The following SPN variants were observed in gnomAD, a reference collection of about 807,000 sequenced individuals.
SPN encodes sialophorin.
SPN carries 6 observed loss-of-function variants against 8.4 expected under a neutral mutation model. That is an observed-to-expected ratio of 0.72 (90% CI 0.39 to 1.42). The LOEUF (loss-of-function observed/expected upper bound fraction) is 1.42, where lower values mean the gene tolerates loss of function less well. Among genes scored for constraint, SPN ranks in the 40% most tolerant of loss-of-function variants. SPN has a pLI of 0.02. For missense variants in SPN, 517 were observed against 530.6 expected, an observed-to-expected ratio of 0.97 and a Z score of 0.25; for synonymous variants, 201 against 222.6, an observed-to-expected ratio of 0.90 and a Z score of 0.86.
chr16:29,666,552 A>ACAAACGCGCG lies in SPN; in HGVS notation c.*1622_*1623insAAACGCGCGC. 7.0e-6 allele frequency: 1 copy of ACAAACGCGCG among 143,416 alleles called. No individual in the cohort carries two copies. Among genetic ancestry groups the ACAAACGCGCG allele is most frequent in the South Asian group, 2.5e-4 (1 of 3,970 alleles). 8.9% of individuals were successfully genotyped at this position (143,416 alleles called of 1,614,324 possible). ...CACACACACACACACACACACACAC[A>ACAAACGCGCG]CGCGCGCGCGCGCGCGCTCTCCTGC... On this transcript the variant is annotated 3_prime_UTR_variant, in exon 2 of 2. Transcript: ENST00000652691.
In SPN at chr16:29,663,479, C is replaced by A. The variant is rs532278935; in HGVS notation, c.-35+163C>A. 6.6e-6 allele frequency among the ~76,000 whole-genome samples: 1 copy of A among 152,302 alleles called. No individual in the cohort carries two copies. The highest frequency in any genetic ancestry group is 2.1e-4 in the South Asian group (1 of 4,826). ...GGGCTGGTCACTGCTGGAATCTAAG[C>A]TGCTGAGGCTGGAGGGAGCCTCAGG... On this transcript the variant is annotated intron_variant, in intron 1 of 1. Transcript: ENST00000652691. This position sits in a 1 kb window ranked among gnomAD's most constrained non-coding sequence, Gnocchi z 4.3.
In SPN at chr16:29,666,556, G is replaced by GCGCGCGCGCGCGCC. The variant is rs1966818381; in HGVS notation, c.*1638_*1639insCCGCGCGCGCGCGC. On this transcript the variant is annotated 3_prime_UTR_variant, in exon 2 of 2. Coordinates refer to ENST00000652691, the MANE Select transcript of SPN (RefSeq NM_003123.6). ...CACACACACACACACACACACACGC[G>GCGCGCGCGCGCGCC]CGCGCGCGCGCGCTCTCCTGCGAAC... is the stretch of plus-strand genomic sequence containing the variant. 5.6e-6 allele frequency: 1 copy of GCGCGCGCGCGCGCC among 178,002 alleles called. No individual in the cohort carries two copies. The highest frequency in any genetic ancestry group is 3.5e-5 in the African/African-American group (1 of 28,384). The allele number at this position is 178,002 out of a possible 1,614,324, so 11.0% of individuals were successfully genotyped here.
chr16:29,666,846 A>G lies in SPN; in HGVS notation c.*1915A>G, dbSNP rs992617406. 4.3e-6 allele frequency: 2 copies of G among 468,080 alleles called. No homozygotes were observed. The highest frequency in any genetic ancestry group is 8.9e-6 in the Non-Finnish European group (2 of 225,094). The allele number at this position is 468,080 out of a possible 1,614,324, so 29.0% of individuals were successfully genotyped here. Reference sequence around the variant, plus strand: ...CCCAGGCTACAGCCCAGGAGCACACATGGGCCAGGGCAGTTGGTATTTCCC... The same window carrying G: ...CCCAGGCTACAGCCCAGGAGCACACGTGGGCCAGGGCAGTTGGTATTTCCC... On this transcript the variant is annotated 3_prime_UTR_variant, in exon 2 of 2. Transcript: ENST00000652691.
At position 29,664,916 on chromosome 16, in the gene SPN, C is replaced by T. The variant is rs749483155; in HGVS notation, c.1188C>T (p.Asp396=). 3.5e-6 allele frequency: 5 copies of T among 1,414,094 alleles called. No individual in the cohort carries two copies. The highest frequency in any genetic ancestry group is 2.6e-5 in the East Asian group (1 of 39,204). The allele number at this position is 1,414,094 out of a possible 1,614,324, so 87.6% of individuals were successfully genotyped here. A position where few individuals can be genotyped will look rare whatever the true frequency, so the allele number is the denominator to read the frequency against. The change falls in exon 2 of 2, where the codon GAC becomes GAT. Residue 396 remains aspartate (D), a synonymous_variant. Transcript: ENST00000652691. The surrounding 1 kb of genome is among the most constrained non-coding windows in gnomAD (Gnocchi z 6.4). The part of the protein sequence containing the change: ...APAPDEPEGG[D]GAAP ...CTCCTGATGAGCCCGAAGGGGGAGACGGGGCTGCCCCTTAAGTGTCGGTGA... is the reference window on the plus strand; with the variant it reads ...CTCCTGATGAGCCCGAAGGGGGAGATGGGGCTGCCCCTTAAGTGTCGGTGA...
In SPN at chr16:29,664,927, C is replaced by G. The variant is rs771842135; in HGVS notation, c.1199C>G (p.Pro400Arg). Residue 400 changes from proline (P) to arginine (R), a missense_variant, in exon 2 of 2, where the codon CCT becomes CGT. By Grantham distance (103) the Pro-to-Arg change is moderately radical. Coordinates refer to ENST00000652691, the MANE Select transcript of SPN (RefSeq NM_003123.6). The surrounding 1 kb of genome is among the most constrained non-coding windows in gnomAD (Gnocchi z 6.4). ...CCCGAAGGGGGAGACGGGGCTGCCCCTTAAGTGTCGGTGAATAGTGAGGCT... is the reference window on the plus strand; with the variant it reads ...CCCGAAGGGGGAGACGGGGCTGCCCGTTAAGTGTCGGTGAATAGTGAGGCT... ...DEPEGGDGAA[P>R] 7.1e-7 allele frequency: 1 copy of G among 1,398,670 alleles called. No individual in the cohort carries two copies. Among genetic ancestry groups the G allele is most frequent in the East Asian group, 2.6e-5 (1 of 38,664 alleles). 86.6% of individuals were successfully genotyped at this position (1,398,670 alleles called of 1,614,324 possible). A position where few individuals can be genotyped will look rare whatever the true frequency, so the allele number is the denominator to read the frequency against.
At position 29,666,733 on chromosome 16, in the gene SPN, G is replaced by C. The variant is rs1305496100; in HGVS notation, c.*1802G>C. 2.6e-6 allele frequency: 1 copy of C among 378,080 alleles called. No individual in the cohort carries two copies. The highest frequency in any genetic ancestry group is 2.1e-5 in the African/African-American group (1 of 47,044). The allele number at this position is 378,080 out of a possible 1,614,324, so 23.4% of individuals were successfully genotyped here. A position where few individuals can be genotyped will look rare whatever the true frequency, so the allele number is the denominator to read the frequency against. Reference sequence around the variant, plus strand: ...TCCTCCAAGAGGAACCAGTGAGAGTGAGTGAAGGAGGGGCCTGGAGCCAGG... The same window carrying C: ...TCCTCCAAGAGGAACCAGTGAGAGTCAGTGAAGGAGGGGCCTGGAGCCAGG... On this transcript the variant is annotated 3_prime_UTR_variant, in exon 2 of 2. Coordinates refer to ENST00000652691, the MANE Select transcript of SPN (RefSeq NM_003123.6).
Position 29,665,072 on chromosome 16 carries a change from T to C in SPN, c.*141T>C. On this transcript the variant is annotated 3_prime_UTR_variant, in exon 2 of 2. Transcript: ENST00000652691. ...CCCGAATCTCCTTTTTTTTTTTCTT[T>C]TGAGACAGAGTTTCGCTTTGTCGCC... The C allele has an allele frequency of 9.6e-7, 1 of 1,036,820 alleles. No individual in the cohort carries two copies. Among genetic ancestry groups the C allele is most frequent in the Non-Finnish European group, 1.3e-6 (1 of 795,944 alleles). The allele number at this position is 1,036,820 out of a possible 1,614,324, so 64.2% of individuals were successfully genotyped here.
At position 29,667,313 on chromosome 16, in the gene SPN, T is replaced by C; in HGVS notation, c.*2382T>C. 2 of 260,942 alleles carry C rather than the reference T, an allele frequency of 7.7e-6. No homozygotes were observed. Among genetic ancestry groups the C allele is most frequent in the South Asian group, 4.6e-5 (1 of 21,866 alleles). 16.2% of individuals were successfully genotyped at this position (260,942 alleles called of 1,614,324 possible). On this transcript the variant is annotated 3_prime_UTR_variant, in exon 2 of 2. Transcript: ENST00000652691. Reference sequence around the variant, plus strand: ...AGAAAATACTGTCACCGAACGAACGTCGCTGTCCTCAGCTCCACCTCCCTT... The same window carrying C: ...AGAAAATACTGTCACCGAACGAACGCCGCTGTCCTCAGCTCCACCTCCCTT...
At position 29,669,210 on chromosome 16, in the gene SPN, T is replaced by C. The variant is rs1177759248; in HGVS notation, c.*4279T>C. 1.2e-5 allele frequency: 2 copies of C among 166,970 alleles called. No homozygotes were observed. Among genetic ancestry groups the C allele is most frequent in the East Asian group, 3.9e-4 (2 of 5,170 alleles). 10.3% of individuals were successfully genotyped at this position (166,970 alleles called of 1,614,324 possible). On this transcript the variant is annotated 3_prime_UTR_variant, in exon 2 of 2. Transcript: ENST00000652691. ...CAAACGTGAAATAGATGTCTTTTTT[T>C]TTTTTTTGAGATGGAGTTTTCACTC...
In SPN at chr16:29,670,021, T is replaced by G. The variant is rs1027671750; in HGVS notation, c.*5090T>G. 1.7e-4 allele frequency: 28 copies of G among 166,708 alleles called. No homozygotes were observed. The Admixed American group carries it at 1.8e-3, about 11-fold the overall frequency. 10.3% of individuals were successfully genotyped at this position (166,708 alleles called of 1,614,324 possible). A position where few individuals can be genotyped will look rare whatever the true frequency, so the allele number is the denominator to read the frequency against. ...AGCCTGGGCAACATAGACCCCTATC[T>G]CTACAAAAAATTTGAAATATGAAAA... is the stretch of plus-strand genomic sequence containing the variant. On this transcript the variant is annotated 3_prime_UTR_variant, in exon 2 of 2. Coordinates refer to ENST00000652691, the MANE Select transcript of SPN (RefSeq NM_003123.6).
Position 29,664,675 on chromosome 16 carries a change from CAG to C in SPN, c.948_949del (p.Val317AspfsTer20), listed in dbSNP as rs1161259860. The C allele has an allele frequency of 6.6e-7, 1 of 1,507,950 alleles. No homozygotes were observed. Among genetic ancestry groups the C allele is most frequent in the Admixed American group, 2.5e-5 (1 of 40,658 alleles). 93.4% of individuals were successfully genotyped at this position (1,507,950 alleles called of 1,614,324 possible). A position where few individuals can be genotyped will look rare whatever the true frequency, so the allele number is the denominator to read the frequency against. Reference sequence around the variant, plus strand: ...CAGGTCCCTGAGGAGGGGGCCGTGACAGTGACCGTGGGAGGGTCCGGGGGCGA... The same window carrying C: ...CAGGTCCCTGAGGAGGGGGCCGTGACTGACCGTGGGAGGGTCCGGGGGCGA... On this transcript the variant is annotated frameshift_variant, in exon 2 of 2. Transcript: ENST00000652691. LOFTEE classifies it high-confidence loss of function. This position sits in a 1 kb window ranked among gnomAD's most constrained non-coding sequence, Gnocchi z 6.4.
At position 29,668,218 on chromosome 16, in the gene SPN, CTAATTTTTG is replaced by C. The variant is rs1966839318; in HGVS notation, c.*3290_*3298del. On this transcript the variant is annotated 3_prime_UTR_variant, in exon 2 of 2. Coordinates refer to ENST00000652691, the MANE Select transcript of SPN (RefSeq NM_003123.6). ...TACATATGAGAACCACCACACCTGGCTAATTTTTGTATTTTTTGTAGAGATGGGGTTTCA... is the reference window on the plus strand; with the variant it reads ...TACATATGAGAACCACCACACCTGGCTATTTTTTGTAGAGATGGGGTTTCA... 1 of 165,972 alleles carries C rather than the reference CTAATTTTTG, an allele frequency of 6.0e-6. No individual in the cohort carries two copies. Among genetic ancestry groups the C allele is most frequent in the South Asian group, 2.1e-4 (1 of 4,818 alleles). 10.3% of individuals were successfully genotyped at this position (165,972 alleles called of 1,614,324 possible). A position where few individuals can be genotyped will look rare whatever the true frequency, so the allele number is the denominator to read the frequency against.
In SPN at chr16:29,667,946, C is replaced by CTG. The variant is rs533280526; in HGVS notation, c.*3023_*3024dup. Reference sequence around the variant, plus strand: ...CGTGCATGTGCGTGCGTGCATGTGCCTGTGTGTGTATGTGTGCACATGTGT... The same window carrying CTG: ...CGTGCATGTGCGTGCGTGCATGTGCCTGTGTGTGTGTATGTGTGCACATGTGT... On this transcript the variant is annotated 3_prime_UTR_variant, in exon 2 of 2. Coordinates refer to ENST00000652691, the MANE Select transcript of SPN (RefSeq NM_003123.6). The CTG allele has an allele frequency of 1.2e-5, 2 of 166,166 alleles. No individual in the cohort carries two copies. Among genetic ancestry groups the CTG allele is most frequent in the Admixed American group, 6.6e-5 (1 of 15,212 alleles). 10.3% of individuals were successfully genotyped at this position (166,166 alleles called of 1,614,324 possible). A position where few individuals can be genotyped will look rare whatever the true frequency, so the allele number is the denominator to read the frequency against.
chr16:29,670,845 T>C lies in SPN; in HGVS notation c.*5914T>C, dbSNP rs1966850734. 2.2e-6 allele frequency: 1 copy of C among 453,666 alleles called. No homozygotes were observed. The highest frequency in any genetic ancestry group is 4.4e-6 in the Non-Finnish European group (1 of 225,930). The allele number at this position is 453,666 out of a possible 1,614,324, so 28.1% of individuals were successfully genotyped here. A position where few individuals can be genotyped will look rare whatever the true frequency, so the allele number is the denominator to read the frequency against. ...TCTGTATTTTCCGAATTTCATACAA[T>C]AAATATCTGTTACTTTTACAATATG... is the stretch of plus-strand genomic sequence containing the variant. On this transcript the variant is annotated 3_prime_UTR_variant, in exon 2 of 2. Coordinates refer to ENST00000652691, the MANE Select transcript of SPN (RefSeq NM_003123.6).
chr16:29,669,189 C>T lies in SPN; in HGVS notation c.*4258C>T, dbSNP rs564855387. 11 of 166,198 alleles carry T rather than the reference C, an allele frequency of 6.6e-5. No homozygotes were observed. The highest frequency in any genetic ancestry group is 1.7e-4 in the African/African-American group (7 of 41,278). The allele number at this position is 166,198 out of a possible 1,614,324, so 10.3% of individuals were successfully genotyped here. ...CAATATAGAGTCTTTTTTGAACAAA[C>T]GTGAAATAGATGTCTTTTTTTTTTT... On this transcript the variant is annotated 3_prime_UTR_variant, in exon 2 of 2. Transcript: ENST00000652691.
In SPN at chr16:29,669,066, T is replaced by A. The variant is rs1188782717; in HGVS notation, c.*4135T>A. ...GAGAAGCTGAGGCAGGAGGACTGCT[T>A]GAAGCCAGGAGTTTGAGACCAGCCT... On this transcript the variant is annotated 3_prime_UTR_variant, in exon 2 of 2. Coordinates refer to ENST00000652691, the MANE Select transcript of SPN (RefSeq NM_003123.6). 1 of 166,776 alleles carries A rather than the reference T, an allele frequency of 6.0e-6. No homozygotes were observed. The highest frequency in any genetic ancestry group is 6.6e-5 in the Admixed American group (1 of 15,226). The allele number at this position is 166,776 out of a possible 1,614,324, so 10.3% of individuals were successfully genotyped here. A position where few individuals can be genotyped will look rare whatever the true frequency, so the allele number is the denominator to read the frequency against.
At position 29,666,566 on chromosome 16, in the gene SPN, G is replaced by GCGCGCA. The variant is rs1391021627; in HGVS notation, c.*1638_*1639insGCACGC. The stretch of plus-strand genomic sequence containing the variant: ...CACACACACACACGCGCGCGCGCGC[G>GCGCGCA]CGCTCTCCTGCGAACAGAGGCAGGG... On this transcript the variant is annotated 3_prime_UTR_variant, in exon 2 of 2. Coordinates refer to ENST00000652691, the MANE Select transcript of SPN (RefSeq NM_003123.6). The GCGCGCA allele has an allele frequency of 4.6e-5, 11 of 240,094 alleles. No homozygotes were observed. In the East Asian group the frequency reaches 6.6e-4, roughly 14 times the overall value. The allele number at this position is 240,094 out of a possible 1,614,324, so 14.9% of individuals were successfully genotyped here.
In SPN at chr16:29,667,073, C is replaced by CA; in HGVS notation, c.*2142_*2143insA. On this transcript the variant is annotated 3_prime_UTR_variant, in exon 2 of 2. Coordinates refer to ENST00000652691, the MANE Select transcript of SPN (RefSeq NM_003123.6). ...TGGGAGAGGAGACGGAGGGAGGGAG[C>CA]GGGAAGGGGCTTGCTTAGTGGGTGG... is the stretch of plus-strand genomic sequence containing the variant. 2.1e-6 allele frequency: 1 copy of CA among 465,862 alleles called. No individual in the cohort carries two copies. The highest frequency in any genetic ancestry group is 7.0e-5 in the East Asian group (1 of 14,274). The allele number at this position is 465,862 out of a possible 1,614,324, so 28.9% of individuals were successfully genotyped here.
Position 29,664,340 on chromosome 16 carries a change from T to C in SPN, c.612T>C (p.Pro204=), listed in dbSNP as rs199547395. ...LETSTGTTGP[P]VTMTTGSLEP... is the part of the protein sequence containing the mutation. ...CCTCCACTGGGACCACTGGACCCCC[T>C]GTTACCATGACAACTGGCTCTCTGG... Residue 204 remains proline, a synonymous_variant, in exon 2 of 2, where the codon CCT becomes CCC. Coordinates refer to ENST00000652691, the MANE Select transcript of SPN (RefSeq NM_003123.6). This position sits in a 1 kb window ranked among gnomAD's most constrained non-coding sequence, Gnocchi z 6.4. 1.2e-6 allele frequency: 2 copies of C among 1,613,480 alleles called. No individual in the cohort carries two copies. The highest frequency in any genetic ancestry group is 1.7e-5 in the Admixed American group (1 of 60,004).
Sources: gnomAD v4.1 joint callset for allele counts (sites outside exome capture counted in the v4.1 genomes callset) on GRCh38, gnomAD v4.1.1 for gene constraint, Gnocchi (gnomAD v3.1) non-coding constraint, MANE v1.5 for transcripts, NCBI Gene and HGNC (gene_info 2026-07-23, HGNC 2026-07-21) for gene names.